Variants in NETO2 observed in about 807,000 individuals in gnomAD.
The protein encoded by NETO2 is neuropilin and tolloid-like protein 2.
Under a neutral mutation model 62.5 loss-of-function variants are expected in NETO2, and 28 were observed. The ratio of observed to expected loss-of-function variants is 0.45; its 90% confidence interval spans 0.33 to 0.61. The LOEUF is 0.61. NETO2 is among the 20% of genes least tolerant of loss of function. NETO2 has a pLI of 0.02. For synonymous variants in NETO2, 214 were observed against 219.1 expected (o/e 0.98, Z 0.21); for missense variants, 548 against 643.2 (o/e 0.85, Z 1.60).
chr16:47,115,689 G>C (rs1382424267), intron 6 of NETO2, among the ~76,000 whole-genome samples: 2 of 120,744 alleles, frequency 1.7e-5, no homozygotes, highest in Non-Finnish European at 3.2e-5. Flanking sequence ...ACCATGCCCG[G>C]CTAATTTTTA....
At position 47,118,627 on chromosome 16, in the gene NETO2, T is replaced by C. The variant is rs533681288; in HGVS notation, c.654+4030A>G. 3.9e-5 allele frequency among the ~76,000 whole-genome samples: 6 copies of C among 152,354 alleles called. No homozygotes were observed. The South Asian group carries it at 8.3e-4, about 21-fold the overall frequency. ...CATTATTTATAATATTCTCTTATGA[T>C]AGTCTAAAACATTTGTTAAAATTTC... is the stretch of plus-strand genomic sequence containing the variant. On this transcript the variant is annotated intron_variant, in intron 6 of 8. Coordinates refer to ENST00000562435, the MANE Select transcript of NETO2 (RefSeq NM_018092.5).
intron 7 of NETO2, among the ~76,000 whole-genome samples, chr16:47,099,279 C>A (rs1963494244): frequency 6.6e-6 from 1 of 152,186 alleles, no homozygotes; most frequent in East Asian, 1.9e-4. Flanking sequence ...TCTGTCACCA[C>A]CAGGCCTGCC....
intron 7 of NETO2, among the ~76,000 whole-genome samples, chr16:47,092,948 C>G (rs1295255204): frequency 6.6e-6 from 1 of 152,158 alleles, no homozygotes; most frequent in East Asian, 1.9e-4. Context: ...TTGAATGGGT[C>G]ATTGAATCCT....
chr16:47,124,311 A>T (rs990034785), intron 4 of NETO2, among the ~76,000 whole-genome samples: 1 of 152,190 alleles, frequency 6.6e-6, no homozygotes, highest in African/African-American at 2.4e-5. Flanking sequence ...ATTAATCAGA[A>T]CTATTTCATA....
chr16:47,112,022 AAC>A (rs1209689076), intron 6 of NETO2, among the ~76,000 whole-genome samples: 4 of 152,236 alleles, frequency 2.6e-5, no homozygotes, highest in Non-Finnish European at 5.9e-5. Context: ...AGTGGACTAA[AAC>A]ACTATTTGTA....
intron 6 of NETO2, among the ~76,000 whole-genome samples, chr16:47,119,571 A>C (rs1218973862): frequency 6.9e-6 from 1 of 144,454 alleles, no homozygotes; most frequent in Non-Finnish European, 1.5e-5. Flanking sequence ...TTTTTTTTTT[A>C]ATTTCTGTTT....
chr16:47,138,455 G>A (rs1022495412), intron 1 of NETO2, among the ~76,000 whole-genome samples: 3 of 152,110 alleles, frequency 2.0e-5, no homozygotes, highest in African/African-American at 7.2e-5. Flanking sequence ...CAAAATAAAA[G>A]TTTAAACAAC....
intron 1 of NETO2, among the ~76,000 whole-genome samples, chr16:47,136,596 G>A (rs1448260336): frequency 2.6e-5 from 4 of 152,048 alleles, no homozygotes; most frequent in Admixed American, 6.6e-5. Flanking sequence ...AGTAGAGACG[G>A]GGTTTCACTG....
chr16:47,107,388 G>A (rs1226296571), intron 7 of NETO2, among the ~76,000 whole-genome samples: 1 of 152,116 alleles, frequency 6.6e-6, no homozygotes, highest in African/African-American at 2.4e-5. Context: ...CTGAGTAACT[G>A]GAAAACAGTA....
intron 6 of NETO2, among the ~76,000 whole-genome samples, chr16:47,111,375 A>T (rs979924565): frequency 2.0e-5 from 3 of 152,222 alleles, no homozygotes; most frequent in Non-Finnish European, 4.4e-5. Flanking sequence ...ACATATTTTT[A>T]AAAAAACATC....
At position 47,135,066 on chromosome 16, in the gene NETO2, A is replaced by G. The variant is rs1019177661; in HGVS notation, c.35-3041T>C. Among the ~76,000 whole-genome samples the G allele has an allele frequency of 2.0e-5, 3 of 152,358 alleles. No homozygotes were observed. In the East Asian group the frequency reaches 5.8e-4, roughly 29 times the overall value. ...GAATCTGCACAGCAATTAGGGATAG[A>G]AAGATGTACTGATACAGTTTTTGGT... On this transcript the variant is annotated intron_variant, in intron 1 of 8. Coordinates refer to ENST00000562435, the MANE Select transcript of NETO2 (RefSeq NM_018092.5).
chr16:47,083,554 C>T lies in NETO2; in HGVS notation c.1245G>A (p.Leu415=). ...TCTGGTAGTTGTCCAATTCTTCCGA[C>T]AAGTCTGCCAGGTCTGCAGAAATCT... ...DKEISADLAD[L]SEELDNYQKM... Residue 415 remains leucine, a synonymous_variant, in exon 9 of 9, where the codon TTG becomes TTA. Transcript: ENST00000562435. 1 of 1,614,192 alleles carries T rather than the reference C, an allele frequency of 6.2e-7. No individual in the cohort carries two copies. The highest frequency in any genetic ancestry group is 1.1e-5 in the South Asian group (1 of 91,080).
chr16:47,098,152 G>C (rs1963466446), intron 7 of NETO2, among the ~76,000 whole-genome samples: 1 of 152,112 alleles, frequency 6.6e-6, no homozygotes, highest in South Asian at 2.1e-4. Context: ...GCCAGCAAGG[G>C]AACAAAACTG....
chr16:47,103,947 C>A (rs1399893504), intron 7 of NETO2, among the ~76,000 whole-genome samples: 1 of 152,100 alleles, frequency 6.6e-6, no homozygotes, highest in Non-Finnish European at 1.5e-5. Context: ...AAGGACAGAG[C>A]TCCACTAAGA....
intron 6 of NETO2, among the ~76,000 whole-genome samples, chr16:47,110,426 T>A (rs1166430846): frequency 1.3e-5 from 2 of 152,202 alleles, no homozygotes; most frequent in Non-Finnish European, 1.5e-5. Context: ...TCTCTTACAT[T>A]GTGAATTTAG....
intron 7 of NETO2, among the ~76,000 whole-genome samples, chr16:47,097,613 G>A (rs1398829003): frequency 6.6e-6 from 1 of 152,194 alleles, no homozygotes; most frequent in Non-Finnish European, 1.5e-5. Flanking sequence ...AGACTTAAAC[G>A]TTCCTGCCTG....
intron 6 of NETO2, among the ~76,000 whole-genome samples, chr16:47,111,698 G>C (rs1396413412): frequency 6.6e-6 from 1 of 152,176 alleles, no homozygotes; most frequent in African/African-American, 2.4e-5. Flanking sequence ...AAGTGGGACT[G>C]GGTAGGCCGG....
chr16:47,086,707 C>T (rs187807479), intron 7 of NETO2, among the ~76,000 whole-genome samples: 1 of 152,224 alleles, frequency 6.6e-6, no homozygotes, highest in East Asian at 1.9e-4. Flanking sequence ...TAAGATGGTG[C>T]AGTCATTGTG....
intron 6 of NETO2, among the ~76,000 whole-genome samples, chr16:47,114,423 T>C (rs1246483782): frequency 6.9e-6 from 1 of 145,596 alleles, no homozygotes; most frequent in Non-Finnish European, 1.5e-5. Context: ...TTTTCATTAG[T>C]CCAATTTATA....
Sources: gnomAD v4.1 joint callset for allele counts (sites outside exome capture counted in the v4.1 genomes callset) on GRCh38, gnomAD v4.1.1 for gene constraint, MANE v1.5 for transcripts, NCBI Gene and HGNC (gene_info 2026-07-23, HGNC 2026-07-21) for gene names.